MYT1L: variants seen among roughly 807,000 people sequenced by gnomAD.
MYT1L encodes myelin transcription factor 1-like protein.
In MYT1L, 12 loss-of-function variants were observed where a neutral mutation model predicts 126.7. That is an observed-to-expected ratio of 0.09 (90% confidence interval 0.06 to 0.15). MYT1L has a LOEUF of 0.15. Among genes scored for constraint, MYT1L ranks in the 10% least tolerant of loss-of-function variants. The pLI is 1.00. For missense variants in MYT1L, 979 were observed against 1,585.2 expected (o/e 0.62, Z 6.49); for synonymous variants, 541 against 604.2 (o/e 0.90, Z 1.53).
intron 1 of MYT1L, chr2:2,324,270 C>T (rs901112468): frequency 6.6e-6 from 1 of 152,180 alleles, no homozygotes; most frequent in African/African-American, 2.4e-5. Flanking sequence ...TCGGCTAAGC[C>T]AGCGTCTGAC....
chr2:1,892,371 G>C, intron 14 of MYT1L, 84 bp from the exon 15 acceptor site: 1 of 1,487,304 alleles, frequency 6.7e-7, no homozygotes, highest in East Asian at 2.5e-5. Flanking sequence ...GCCCGCCCCG[G>C]CCTCAGCCAC....
intron 1 of MYT1L, among the ~76,000 whole-genome samples, chr2:2,289,336 C>T (rs1195368373): frequency 6.6e-6 from 1 of 152,100 alleles, no homozygotes; most frequent in Non-Finnish European, 1.5e-5. Flanking sequence ...TATGATTTTA[C>T]CCCATATTTC....
At chr2:2,033,997 C>T (rs1361620948) in intron 4 of MYT1L, among the ~76,000 whole-genome samples, 2 of 152,154 alleles carry the variant, frequency 1.3e-5, no homozygotes, top group East Asian at 3.9e-4. Context: ...TTTCCAGAAC[C>T]TAAGAAATGA....
intron 11 of MYT1L, among the ~76,000 whole-genome samples, chr2:1,915,224 C>T (rs1312496865): frequency 6.6e-6 from 1 of 152,194 alleles, no homozygotes; most frequent in East Asian, 1.9e-4. Flanking sequence ...AAATTAAAAG[C>T]CTTCTATGGA....
At chr2:2,320,223 C>A (rs578241993) in intron 1 of MYT1L, among the ~76,000 whole-genome samples, 1 of 151,930 alleles carries the variant, frequency 6.6e-6, no homozygotes, top group African/African-American at 2.4e-5. Context: ...CCCAGAGTGA[C>A]GTGTAAAAGC....
At position 2,008,864 on chromosome 2, in the gene MYT1L, G is replaced by A. The variant is rs371880587; in HGVS notation, c.-157-11517C>T. Among the ~76,000 whole-genome samples, 28 of 152,062 alleles carry A rather than the reference G, an allele frequency of 1.8e-4. No individual in the cohort carries two copies. The East Asian group carries it at 4.4e-3, about 24-fold the overall frequency. ...TTGAGTTATTATTATTTTTTTTAATGTATAAGACAAGGATCCAATTTTATT... is the reference window on the plus strand; with the variant it reads ...TTGAGTTATTATTATTTTTTTTAATATATAAGACAAGGATCCAATTTTATT... On this transcript the variant is annotated intron_variant, in intron 4 of 24. Coordinates refer to ENST00000647738, the MANE Select transcript of MYT1L (RefSeq NM_001303052.2).
chr2:1,935,129 T>G (rs2055690755), intron 9 of MYT1L, among the ~76,000 whole-genome samples: 1 of 152,196 alleles, frequency 6.6e-6, no homozygotes, highest in African/African-American at 2.4e-5. Context: ...AAATGTATGT[T>G]TTTATTTTCA....
intron 2 of MYT1L, among the ~76,000 whole-genome samples, chr2:2,234,564 G>A (rs1385719248): frequency 6.6e-6 from 1 of 152,186 alleles, no homozygotes; most frequent in Non-Finnish European, 1.5e-5. Context: ...AACCCCTGCA[G>A]CTCAAGTTGG....
At position 2,288,071 on chromosome 2, in the gene MYT1L, A is replaced by G. The variant is rs74400228; in HGVS notation, c.-520-3568T>C. ...ATCATCTGGTCTCATTTCCTGACAC[A>G]CTCTAGTTCATTTCTAGAGACAGGG... On this transcript the variant is annotated intron_variant, in intron 1 of 24. Coordinates refer to ENST00000647738, the MANE Select transcript of MYT1L (RefSeq NM_001303052.2). Among the ~76,000 whole-genome samples the G allele has an allele frequency of 2.6e-4, 39 of 152,208 alleles. No individual in the cohort carries two copies. In the East Asian group the frequency reaches 3.3e-3, roughly 13 times the overall value.
chr2:2,219,724 C>T (rs867035211), intron 2 of MYT1L, among the ~76,000 whole-genome samples: 54 of 152,270 alleles, frequency 3.5e-4, no homozygotes, highest in African/African-American at 9.6e-4. Flanking sequence ...AGGACAAATA[C>T]GGAATGTGAG....
intron 5 of MYT1L, among the ~76,000 whole-genome samples, chr2:1,991,962 AAAG>A (rs1320810344): frequency 1.3e-5 from 2 of 152,064 alleles, no homozygotes; most frequent in Non-Finnish European, 2.9e-5. Context: ...CCTGCTCCAC[AAAG>A]AAGGATTCGA....
At position 1,852,884 on chromosome 2, in the gene MYT1L, G is replaced by T. The variant is rs896205221; in HGVS notation, c.2712-1181C>A. On this transcript the variant is annotated intron_variant, in intron 18 of 24. Coordinates refer to ENST00000647738, the MANE Select transcript of MYT1L (RefSeq NM_001303052.2). This position sits in a 1 kb window ranked among gnomAD's most constrained non-coding sequence, Gnocchi z 4.0. ...CTACTGCTCCTAGAGATTTCAATTT[G>T]CTTTCCACTCAGAAAGTCACTATGG... Among the ~76,000 whole-genome samples the T allele has an allele frequency of 6.6e-6, 1 of 152,146 alleles. No homozygotes were observed. Among genetic ancestry groups the T allele is most frequent in the East Asian group, 1.9e-4 (1 of 5,180 alleles).
chr2:2,264,122 T>C (rs2095061469), intron 2 of MYT1L, among the ~76,000 whole-genome samples: 1 of 152,218 alleles, frequency 6.6e-6, no homozygotes, highest in African/African-American at 2.4e-5. Flanking sequence ...TGACTGACCC[T>C]GAAGCCCAAG....
chr2:1,898,564 C>T (rs561300813), intron 14 of MYT1L, among the ~76,000 whole-genome samples: 9 of 152,310 alleles, frequency 5.9e-5, no homozygotes, highest in South Asian at 4.1e-4. Context: ...GAGGGTGGAG[C>T]GAATCTGCAG....
intron 2 of MYT1L, among the ~76,000 whole-genome samples, chr2:2,262,902 G>A (rs2095012960): frequency 1.5e-5 from 1 of 67,932 alleles, no homozygotes; most frequent in Non-Finnish European, 2.8e-5. Context: ...TTTTACCCCA[G>A]GTGAGAGGCA....
intron 22 of MYT1L, among the ~76,000 whole-genome samples, chr2:1,802,270 C>G (rs1009607572): frequency 3.3e-5 from 5 of 152,136 alleles, no homozygotes; most frequent in African/African-American, 1.2e-4. Flanking sequence ...CCCGCCCTCA[C>G]TCAGGTCAGG....
intron 3 of MYT1L, among the ~76,000 whole-genome samples, chr2:2,077,650 C>A (rs1399474448): frequency 1.3e-5 from 2 of 152,080 alleles, no homozygotes; most frequent in African/African-American, 2.4e-5. Flanking sequence ...TTTTCATCAG[C>A]AACTATGGAG....
chr2:2,296,720 G>T (rs951450303), intron 1 of MYT1L, among the ~76,000 whole-genome samples: 3 of 152,144 alleles, frequency 2.0e-5, no homozygotes, highest in African/African-American at 7.2e-5. Flanking sequence ...ACCTCCTGCT[G>T]CCCCAGGGCA....
chr2:2,003,113 C>G (rs1400084349), intron 4 of MYT1L, among the ~76,000 whole-genome samples: 1 of 152,164 alleles, frequency 6.6e-6, no homozygotes, highest in Non-Finnish European at 1.5e-5. Flanking sequence ...AAGCTTACAA[C>G]TGCTCCAAAA....
Sources: allele counts gnomAD v4.1 joint callset (sites outside exome capture counted in the v4.1 genomes callset), GRCh38; gene constraint gnomAD v4.1.1; non-coding constraint Gnocchi (gnomAD v3.1); transcripts MANE v1.5; gene names NCBI Gene and HGNC (gene_info 2026-07-23, HGNC 2026-07-21).